The following KCNT2 variants were observed in gnomAD, a reference collection of about 807,000 sequenced individuals.
The protein encoded by KCNT2 is potassium channel subfamily T member 2.
In KCNT2, 67 loss-of-function variants were observed where a neutral mutation model predicts 153.8. The ratio of observed to expected loss-of-function variants is 0.44; its 90% CI spans 0.36 to 0.53. The LOEUF is 0.53. Among genes scored for constraint, KCNT2 ranks in the 20% least tolerant of loss-of-function variants. The probability of loss-of-function intolerance (pLI) is 0.00; values close to 1 mark genes in which losing one functional copy is unlikely to be tolerated. For synonymous variants in KCNT2, 500 were observed against 458.8 expected (o/e 1.09, Z -1.15); for missense variants, 975 against 1,354.8 (o/e 0.72, Z 4.40).
intron 5 of KCNT2, among the ~76,000 whole-genome samples, chr1:196,469,404 T>C (rs1677893930): frequency 6.6e-6 from 1 of 152,160 alleles, no homozygotes; most frequent in African/African-American, 2.4e-5. Flanking sequence ...AAGTGACAAT[T>C]TGAAGTTTTA....
chr1:196,305,379 C>A (rs368653124), intron 21 of KCNT2, 34 bp from the exon 22 acceptor site: 2 of 1,089,918 alleles, frequency 1.8e-6, no homozygotes, highest in African/African-American at 1.5e-5. Flanking sequence ...ATTACACTAA[C>A]AATCCAATAT....
At chr1:196,476,340 G>T (rs1175015410) in intron 5 of KCNT2, among the ~76,000 whole-genome samples, 2 of 151,970 alleles carry the variant, frequency 1.3e-5, no homozygotes, top group South Asian at 2.1e-4. Context: ...GTATATTAAT[G>T]AACATTAAAG....
chr1:196,386,596 A>G (rs1428645859), intron 13 of KCNT2, among the ~76,000 whole-genome samples: 1 of 152,104 alleles, frequency 6.6e-6, no homozygotes, highest in African/African-American at 2.4e-5. Flanking sequence ...TGGAGAGCAA[A>G]TTGGCATTGT....
At chr1:196,342,355 T>C (rs925146050) in intron 14 of KCNT2, 127 bp from the exon 15 acceptor site, 4 of 636,962 alleles carry the variant, frequency 6.3e-6, no homozygotes, top group Non-Finnish European at 9.6e-6. Context: ...CAAAGGAGCA[T>C]CTGAGTAATG....
At chr1:196,574,707 T>G (rs1405761608) in intron 1 of KCNT2, among the ~76,000 whole-genome samples, 1 of 152,026 alleles carries the variant, frequency 6.6e-6, no homozygotes, top group Non-Finnish European at 1.5e-5. Context: ...ATGTTTAAAA[T>G]TGTTGAGAAT....
At chr1:196,441,121 A>T (rs995441871) in intron 8 of KCNT2, among the ~76,000 whole-genome samples, 3 of 151,848 alleles carry the variant, frequency 2.0e-5, no homozygotes, top group Non-Finnish European at 4.4e-5. Context: ...GTAACTCATT[A>T]AAAAAATTGA....
intron 1 of KCNT2, among the ~76,000 whole-genome samples, chr1:196,525,416 G>T (rs1284903224): frequency 6.6e-6 from 1 of 152,138 alleles, no homozygotes; most frequent in South Asian, 2.1e-4. Context: ...TACATGTAAC[G>T]TTGAGTTTCT....
chr1:196,496,031 G>A (rs754339126), intron 1 of KCNT2, among the ~76,000 whole-genome samples: 3 of 151,994 alleles, frequency 2.0e-5, no homozygotes, highest in Non-Finnish European at 4.4e-5. Flanking sequence ...GGAAATAGCT[G>A]CCATGTTGAC....
chr1:196,366,496 G>A (rs1668058390), intron 14 of KCNT2, among the ~76,000 whole-genome samples: 1 of 152,090 alleles, frequency 6.6e-6, no homozygotes, highest in Non-Finnish European at 1.5e-5. Context: ...GTCATCAGAT[G>A]TGCTTGCATC....
chr1:196,434,344 T>A (rs926487671), intron 8 of KCNT2, among the ~76,000 whole-genome samples: 8 of 152,070 alleles, frequency 5.3e-5, no homozygotes, highest in African/African-American at 1.4e-4. Flanking sequence ...TGCTTTTGCT[T>A]GAGTCTGCAT....
chr1:196,426,059 ATATC>A (rs1673632242), intron 10 of KCNT2, 71 bp from the exon 11 acceptor site: 1 of 1,180,306 alleles, frequency 8.5e-7, no homozygotes, highest in Middle Eastern at 2.0e-4. Flanking sequence ...GAAAAATAAA[ATATC>A]TAAGAAAAAT....
chr1:196,529,556 A>T (rs945853669), intron 1 of KCNT2, among the ~76,000 whole-genome samples: 9 of 152,144 alleles, frequency 5.9e-5, no homozygotes, highest in Non-Finnish European at 7.4e-5. Context: ...CAGTAGCATG[A>T]TCAAAGAAAT....
chr1:196,235,162 G>T (rs920231302), intron 27 of KCNT2, among the ~76,000 whole-genome samples: 2 of 151,268 alleles, frequency 1.3e-5, no homozygotes, highest in African/African-American at 4.8e-5. Flanking sequence ...CAACAGAAAT[G>T]CTAACTATAC....
At chr1:196,287,974 C>A (rs1436864319) in intron 22 of KCNT2, among the ~76,000 whole-genome samples, 1 of 151,910 alleles carries the variant, frequency 6.6e-6, no homozygotes, top group Non-Finnish European at 1.5e-5. Context: ...TTAGGAAGGG[C>A]ACCTAGCTTA....
intron 1 of KCNT2, among the ~76,000 whole-genome samples, chr1:196,547,758 G>A (rs954590877): frequency 1.1e-4 from 17 of 151,230 alleles, no homozygotes; most frequent in Non-Finnish European, 7.4e-5. Flanking sequence ...ATATTTTTCT[G>A]TATTTTTTAT....
intron 25 of KCNT2, among the ~76,000 whole-genome samples, chr1:196,278,603 A>C (rs950996799): frequency 6.6e-6 from 1 of 152,160 alleles, no homozygotes; most frequent in East Asian, 1.9e-4. Context: ...TCCTTTTCCT[A>C]TCTGCAATGT....
intron 1 of KCNT2, among the ~76,000 whole-genome samples, chr1:196,574,586 A>C (rs989595887): frequency 1.3e-5 from 2 of 151,908 alleles, no homozygotes; most frequent in Non-Finnish European, 2.9e-5. Context: ...AAATATTCCA[A>C]ATTTCGAATT....
chr1:196,400,234 T>C (rs1250570987), intron 12 of KCNT2, among the ~76,000 whole-genome samples: 1 of 151,758 alleles, frequency 6.6e-6, no homozygotes, highest in African/African-American at 2.4e-5. Flanking sequence ...AGGATTACTG[T>C]CATTTCTCTT....
Position 196,441,753 on chromosome 1 carries a change from G to A in KCNT2, c.639-11996C>T, listed in dbSNP as rs189343161. ...TATGTATACAAATGAAAGTGGGAGG[G>A]TTCTGTTATTAGTAGGAAAGATGGA... On this transcript the variant is annotated intron_variant, in intron 8 of 27. Transcript: ENST00000294725. Among the ~76,000 whole-genome samples, 1,391 of 151,858 alleles carry A rather than the reference G, an allele frequency of 9.2e-3. 14 individuals are homozygous for A. The highest frequency in any genetic ancestry group is 0.016 in the Non-Finnish European group (1,109 of 67,850).
Sources: gnomAD v4.1 joint callset for allele counts (sites outside exome capture counted in the v4.1 genomes callset) on GRCh38, gnomAD v4.1.1 for gene constraint, MANE v1.5 for transcripts, NCBI Gene and HGNC (gene_info 2026-07-23, HGNC 2026-07-21) for gene names.